Variants in FBXW11 observed in about 807,000 individuals in gnomAD.
FBXW11 encodes F-box/WD repeat-containing protein 11.
FBXW11 carries 19 observed loss-of-function variants against 77.6 expected under a neutral mutation model. The ratio of observed to expected loss-of-function variants is 0.24; its 90% CI spans 0.17 to 0.36. The LOEUF (loss-of-function observed/expected upper bound fraction) is 0.36, where lower values mean the gene tolerates loss of function less well. Among genes scored for constraint, FBXW11 ranks in the 10% least tolerant of loss-of-function variants. The probability of loss-of-function intolerance (pLI) is 1.00; values close to 1 mark genes in which losing one functional copy is unlikely to be tolerated. For synonymous variants in FBXW11, 235 were observed against 249.4 expected, an observed-to-expected ratio of 0.94 and a Z score of 0.54; for missense variants, 334 against 704.2, an observed-to-expected ratio of 0.47 and a Z score of 5.95.
chr5:171,952,478 A>T (rs1393079503), intron 2 of FBXW11, among the ~76,000 whole-genome samples: 13 of 27,786 alleles, frequency 4.7e-4, no homozygotes, highest in African/African-American at 1.2e-3. Flanking sequence ...TTTGAGACGG[A>T]GTCTCCCTCT....
At chr5:171,883,405 A>T (rs138121414) in intron 7 of FBXW11, among the ~76,000 whole-genome samples, 2,698 of 152,332 alleles carry the variant, frequency 0.018, 77 homozygotes, top group African/African-American at 0.063. Flanking sequence ...GAGGGATAGC[A>T]TTAGGAGATA....
intron 2 of FBXW11, among the ~76,000 whole-genome samples, chr5:171,927,264 C>G (rs1364688483): frequency 6.6e-6 from 1 of 152,182 alleles, no homozygotes; most frequent in East Asian, 1.9e-4. Context: ...TGATGCATCA[C>G]TGGACTACAT....
At chr5:172,000,801 T>G (rs1002088961) in intron 1 of FBXW11, among the ~76,000 whole-genome samples, 14 of 152,220 alleles carry the variant, frequency 9.2e-5, no homozygotes, top group Non-Finnish European at 1.8e-4. Context: ...AGGTTACCTT[T>G]CTTTATGTCA....
intron 1 of FBXW11, among the ~76,000 whole-genome samples, chr5:171,977,125 A>C (rs1257609527): frequency 6.6e-6 from 1 of 151,948 alleles, no homozygotes; most frequent in Non-Finnish European, 1.5e-5. Flanking sequence ...AGATCACTTG[A>C]GCCCAGGAGT....
intron 1 of FBXW11, among the ~76,000 whole-genome samples, chr5:171,968,827 T>C (rs1202009348): frequency 1.3e-5 from 2 of 152,072 alleles, no homozygotes; most frequent in South Asian, 4.1e-4. Context: ...CTACCCACCA[T>C]CATGAGTCAA....
At chr5:172,003,658 GAGGAGA>G in intron 1 of FBXW11, among the ~76,000 whole-genome samples, 1 of 152,306 alleles carries the variant, frequency 6.6e-6, no homozygotes, top group East Asian at 1.9e-4. Flanking sequence ...AGTGGGTCAG[GAGGAGA>G]AGCAACCTGG....
intron 3 of FBXW11, among the ~76,000 whole-genome samples, chr5:171,913,870 CACACAA>C (rs1761060067): frequency 6.7e-6 from 1 of 150,228 alleles, no homozygotes; most frequent in Non-Finnish European, 1.5e-5. Context: ...CACACACACA[CACACAA>C]CCTGGGAAAT....
At chr5:171,996,577 C>G (rs1193158957) in intron 1 of FBXW11, among the ~76,000 whole-genome samples, 1 of 152,136 alleles carries the variant, frequency 6.6e-6, no homozygotes, top group African/African-American at 2.4e-5. Flanking sequence ...GCAGGAAGAT[C>G]GTGTGAGGCC....
At chr5:171,963,405 T>G (rs1764013374) in intron 1 of FBXW11, among the ~76,000 whole-genome samples, 1 of 152,114 alleles carries the variant, frequency 6.6e-6, no homozygotes, top group Admixed American at 6.5e-5. Context: ...TAATTTAGCA[T>G]TAAAATACTT....
At chr5:171,937,610 T>A (rs1469773618) in intron 2 of FBXW11, among the ~76,000 whole-genome samples, 1 of 152,072 alleles carries the variant, frequency 6.6e-6, no homozygotes, top group Non-Finnish European at 1.5e-5. Flanking sequence ...CCAAAATCAT[T>A]GAGCTCAGGA....
intron 7 of FBXW11, among the ~76,000 whole-genome samples, chr5:171,881,312 A>G (rs1262695137): frequency 6.6e-6 from 1 of 152,110 alleles, no homozygotes; most frequent in Non-Finnish European, 1.5e-5. Context: ...AAAGTTTCAC[A>G]TTTCTCAGCA....
At chr5:171,926,641 G>A (rs918218773) in intron 2 of FBXW11, among the ~76,000 whole-genome samples, 8 of 152,144 alleles carry the variant, frequency 5.3e-5, no homozygotes, top group Non-Finnish European at 1.0e-4. Flanking sequence ...CATAATTGAA[G>A]CCAAGCAGAC....
chr5:171,881,214 T>C lies in FBXW11; in HGVS notation c.853-3085A>G, dbSNP rs139750569. Among the ~76,000 whole-genome samples, 948 of 152,326 alleles carry C rather than the reference T, an allele frequency of 6.2e-3. 8 individuals carry two copies. Among genetic ancestry groups the C allele is most frequent in the Non-Finnish European group, 0.01 (709 of 68,026 alleles). On this transcript the variant is annotated intron_variant, in intron 7 of 13. Coordinates refer to ENST00000517395, the MANE Select transcript of FBXW11 (RefSeq NM_001378974.1). ...CTTCCTTCTCAATTTGTATACCTTG[T>C]CTTAGTGTGTTATCTAGGAGTTCTA...
At chr5:171,879,256 G>A (rs747692590) in intron 7 of FBXW11, among the ~76,000 whole-genome samples, 4 of 152,030 alleles carry the variant, frequency 2.6e-5, no homozygotes, top group African/African-American at 4.8e-5. Context: ...ACACACTTAC[G>A]GTTCCTCCCT....
intron 2 of FBXW11, among the ~76,000 whole-genome samples, chr5:171,939,497 G>C (rs1322940800): frequency 1.3e-5 from 2 of 151,956 alleles, no homozygotes; most frequent in Non-Finnish European, 2.9e-5. Context: ...AGGAGTTCAA[G>C]ACCAGCCTGT....
intron 1 of FBXW11, among the ~76,000 whole-genome samples, chr5:171,963,857 C>A (rs1764041999): frequency 2.0e-5 from 3 of 152,276 alleles, no homozygotes; most frequent in East Asian, 3.9e-4. Context: ...AACCCAATGA[C>A]AAAGAGTGTA....
At chr5:171,965,541 A>G (rs963009988) in intron 1 of FBXW11, among the ~76,000 whole-genome samples, 1 of 151,944 alleles carries the variant, frequency 6.6e-6, no homozygotes, top group Non-Finnish European at 1.5e-5. Context: ...AATAAAAAAA[A>G]AAAAAAAAAG....
chr5:171,875,220 G>T (rs888372370), intron 9 of FBXW11, among the ~76,000 whole-genome samples: 2 of 150,784 alleles, frequency 1.3e-5, no homozygotes, highest in East Asian at 3.9e-4. Flanking sequence ...GACTAGTCTG[G>T]GCAATAAAGC....
intron 1 of FBXW11, among the ~76,000 whole-genome samples, chr5:171,969,504 C>A (rs1764405149): frequency 6.6e-6 from 1 of 152,130 alleles, no homozygotes; most frequent in Non-Finnish European, 1.5e-5. Context: ...ATCAAGTATA[C>A]TAAATGCTTT....
Sources: allele counts gnomAD v4.1 joint callset (sites outside exome capture counted in the v4.1 genomes callset), GRCh38; gene constraint gnomAD v4.1.1; transcripts MANE v1.5; gene names NCBI Gene and HGNC (gene_info 2026-07-23, HGNC 2026-07-21).